PDE4D: variants seen among roughly 807,000 people sequenced by gnomAD.
The protein encoded by PDE4D is phosphodiesterase 4D.
PDE4D carries 24 observed loss-of-function variants against 87.4 expected under a neutral mutation model. That is an observed-to-expected ratio of 0.27 (90% CI 0.20 to 0.39). PDE4D has a LOEUF of 0.39. Ranked by LOEUF, PDE4D falls within the 10% of genes least tolerant of loss-of-function variation. The pLI, the probability that PDE4D is intolerant of heterozygous loss-of-function variation, is 1.00. For synonymous variants in PDE4D, 384 were observed against 383.2 expected, an observed-to-expected ratio of 1.00 and a Z score of -0.02; for missense variants, 714 against 1,041.0, an observed-to-expected ratio of 0.69 and a Z score of 4.32.
At chr5:59,039,451 C>T in intron 5 of PDE4D, 1 of 992,834 alleles carries the variant, frequency 1.0e-6, no homozygotes, top group Non-Finnish European at 1.2e-6. Context: ...CCCCGCCTGC[C>T]GAGCCTTCTG....
At chr5:60,155,268 CT>C (rs1303558297) in intron 2 of PDE4D, among the ~76,000 whole-genome samples, 1 of 152,122 alleles carries the variant, frequency 6.6e-6, no homozygotes, top group Non-Finnish European at 1.5e-5. Context: ...CATTGTCTAT[CT>C]TTTTTTATTG....
At chr5:59,576,499 T>G (rs1823180423) in intron 1 of PDE4D, among the ~76,000 whole-genome samples, 1 of 152,164 alleles carries the variant, frequency 6.6e-6, no homozygotes, top group South Asian at 2.1e-4. Flanking sequence ...GACAATATAA[T>G]TTTTATTTAT....
chr5:60,366,929 G>T (rs1030125745), intron 1 of PDE4D, among the ~76,000 whole-genome samples: 1 of 152,102 alleles, frequency 6.6e-6, no homozygotes, highest in South Asian at 2.1e-4. Context: ...AAATGAAACA[G>T]ATTCTAGAAC....
In PDE4D at chr5:59,007,498, G is replaced by A. The variant is rs553414944; in HGVS notation, c.922-14033C>T. 4.9e-4 allele frequency among the ~76,000 whole-genome samples: 74 copies of A among 152,236 alleles called. No homozygotes were observed. The South Asian group carries it at 0.013, about 28-fold the overall frequency. Reference sequence around the variant, plus strand: ...ATGCCTTAAAAATATTTTAGAGGCAGACAATAATCTAGAATTGATTCATAA... The same window carrying A: ...ATGCCTTAAAAATATTTTAGAGGCAAACAATAATCTAGAATTGATTCATAA... On this transcript the variant is annotated intron_variant, in intron 6 of 14. Transcript: ENST00000340635.
intron 2 of PDE4D, among the ~76,000 whole-genome samples, chr5:60,101,395 CACA>C (rs1330433947): frequency 1.3e-5 from 2 of 152,046 alleles, no homozygotes; most frequent in Admixed American, 6.6e-5. Flanking sequence ...AATCTCAGGG[CACA>C]ACATCTTATA....
intron 1 of PDE4D, among the ~76,000 whole-genome samples, chr5:59,303,233 ATTGT>A (rs1281968951): frequency 6.6e-6 from 1 of 150,972 alleles, no homozygotes; most frequent in Admixed American, 6.6e-5. Context: ...TTTTGATGGG[ATTGT>A]TTGTTTTTTT....
intron 1 of PDE4D, among the ~76,000 whole-genome samples, chr5:60,396,923 A>G (rs560803364): frequency 3.9e-5 from 6 of 152,208 alleles, no homozygotes; most frequent in Non-Finnish European, 7.3e-5. Flanking sequence ...TGGGAATTGT[A>G]TGGAAACAAA....
upstream of PDE4D, among the ~76,000 whole-genome samples, chr5:59,895,825 A>C (rs982618722): frequency 6.6e-6 from 1 of 152,300 alleles, no homozygotes; most frequent in South Asian, 2.1e-4. Context: ...TTCCAGATTA[A>C]ATTGGAATAA....
intron 1 of PDE4D, among the ~76,000 whole-genome samples, chr5:59,445,206 G>A (rs531720736): frequency 1.0e-3 from 158 of 152,132 alleles, no homozygotes; most frequent in African/African-American, 3.7e-3. Context: ...AATATATTAT[G>A]AAAAAACCTA....
At chr5:59,810,850 G>C (rs374558228) in intron 1 of PDE4D, among the ~76,000 whole-genome samples, 1 of 152,226 alleles carries the variant, frequency 6.6e-6, no homozygotes, top group East Asian at 1.9e-4. Flanking sequence ...TTGGGCAACA[G>C]CTGAAAAATC....
intron 1 of PDE4D, among the ~76,000 whole-genome samples, chr5:59,602,530 A>G (rs893101228): frequency 2.6e-5 from 4 of 152,110 alleles, no homozygotes; most frequent in Non-Finnish European, 4.4e-5. Context: ...AACATTAAAG[A>G]TGACACAAAT....
rs1339234196 is a variant in PDE4D, at chr5:60,482,289, A to G, written c.-90+5653T>C. ...AGAACCTGACCAGGCTGGCACACTA[A>G]TCTCAGAATTCTAGCCTCCAGAACT... is the stretch of plus-strand genomic sequence containing the variant. On this transcript the variant is annotated intron_variant, in intron 1 of 16. Coordinates refer to the PDE4D transcript ENST00000502484. 2.6e-5 allele frequency among the ~76,000 whole-genome samples: 4 copies of G among 152,248 alleles called. No homozygotes were observed. In the South Asian group the frequency reaches 8.3e-4, roughly 32 times the overall value.
chr5:60,367,869 G>T (rs940396162), intron 1 of PDE4D, among the ~76,000 whole-genome samples: 4 of 152,140 alleles, frequency 2.6e-5, no homozygotes, highest in African/African-American at 4.8e-5. Context: ...ATGATCCCCT[G>T]CTTCCCCTTG....
intron 1 of PDE4D, among the ~76,000 whole-genome samples, chr5:60,256,239 C>A (rs963541757): frequency 2.6e-5 from 4 of 151,830 alleles, no homozygotes; most frequent in Admixed American, 6.6e-5. Context: ...ACATAATCCC[C>A]AAACTCAAAG....
intron 1 of PDE4D, among the ~76,000 whole-genome samples, chr5:59,717,054 C>T (rs748293093): frequency 6.6e-6 from 1 of 152,152 alleles, no homozygotes; most frequent in African/African-American, 2.4e-5. Context: ...AGGGATAAAA[C>T]CCTTTCATCT....
At chr5:59,087,538 A>T (rs1767933146) in intron 5 of PDE4D, among the ~76,000 whole-genome samples, 1 of 152,190 alleles carries the variant, frequency 6.6e-6, no homozygotes, top group African/African-American at 2.4e-5. Context: ...TTATTGAAGT[A>T]TAAATTGTGT....
intron 1 of PDE4D, among the ~76,000 whole-genome samples, chr5:60,258,158 T>C (rs777320032): frequency 1.3e-5 from 2 of 151,966 alleles, no homozygotes; most frequent in African/African-American, 2.4e-5. Context: ...AACAAGCTAC[T>C]CCAGCTGCCT....
chr5:59,411,654 G>T (rs993320661), intron 1 of PDE4D, among the ~76,000 whole-genome samples: 2 of 151,970 alleles, frequency 1.3e-5, no homozygotes, highest in Non-Finnish European at 2.9e-5. Flanking sequence ...CTTTATAAAG[G>T]TATCATTCAG....
At chr5:60,197,576 G>T (rs1389190524) in intron 1 of PDE4D, among the ~76,000 whole-genome samples, 1 of 151,496 alleles carries the variant, frequency 6.6e-6, no homozygotes, top group African/African-American at 2.4e-5. Flanking sequence ...ACTTGAGGTA[G>T]GTACATAAAA....
Sources: allele counts gnomAD v4.1 joint callset (sites outside exome capture counted in the v4.1 genomes callset), GRCh38; gene constraint gnomAD v4.1.1; transcripts MANE v1.5; gene names NCBI Gene and HGNC (gene_info 2026-07-23, HGNC 2026-07-21).